Variants in FCGR1A observed in about 807,000 individuals in gnomAD.
The protein encoded by FCGR1A is high affinity immunoglobulin gamma Fc receptor I.
Under a neutral mutation model 35.0 loss-of-function variants are expected in FCGR1A, and 13 were observed. The observed-to-expected ratio is 0.37, with a 90% CI of 0.24 to 0.59. FCGR1A has a LOEUF of 0.59. Among genes scored for constraint, FCGR1A ranks in the 20% least tolerant of loss-of-function variants. The probability of loss-of-function intolerance (pLI) is 0.71; values close to 1 mark genes in which losing one functional copy is unlikely to be tolerated. For synonymous variants in FCGR1A, 91 were observed against 164.7 expected (o/e 0.55, Z 3.43); for missense variants, 227 against 430.0 (o/e 0.53, Z 4.17).
chr1:149,800,524 C>T, the FCGR1A span, among the ~76,000 whole-genome samples: 5 of 142,530 alleles, frequency 3.5e-5, no homozygotes, highest in Admixed American at 7.1e-5. Context: ...ATAAACAAAA[C>T]GACATCACAC....
the FCGR1A span, among the ~76,000 whole-genome samples, chr1:149,797,629 T>C: frequency 6.6e-6 from 1 of 152,146 alleles, no homozygotes; most frequent in African/African-American, 2.4e-5. Context: ...CTTAATTCTC[T>C]CTCTGTTGCT....
the FCGR1A span, among the ~76,000 whole-genome samples, chr1:149,799,478 A>G: frequency 6.6e-6 from 1 of 151,802 alleles, no homozygotes; most frequent in East Asian, 1.9e-4. Context: ...ATCCTGTGAA[A>G]TATCCTCCTT....
intron 3 of FCGR1A, among the ~76,000 whole-genome samples, chr1:149,784,660 T>C: frequency 6.8e-6 from 1 of 148,126 alleles, no homozygotes; most frequent in East Asian, 2.0e-4. Flanking sequence ...ATATACATAT[T>C]ATGCATATAT....
At chr1:149,788,787 C>T (rs1450336985) in intron 4 of FCGR1A, among the ~76,000 whole-genome samples, 170 bp downstream of exon 4, 1 of 152,112 alleles carries the variant, frequency 6.6e-6, no homozygotes, top group African/African-American at 2.4e-5. Flanking sequence ...GAACTGAGGT[C>T]TCTGGGTCCT....
downstream of FCGR1A, chr1:149,793,115 C>T (rs1553752361): frequency 7.8e-7 from 1 of 1,274,198 alleles, no homozygotes. Context: ...ATGCTGCCGG[C>T]CTCAGGTGCG....
downstream of FCGR1A, chr1:149,793,038 C>T (rs583473): frequency 2.4e-6 from 3 of 1,262,752 alleles, no homozygotes; most frequent in South Asian, 1.3e-5. Context: ...CCGCCAGCTC[C>T]CGGGCCCCGG....
At chr1:149,787,009 G>A (rs587746084) in intron 3 of FCGR1A, 1 of 152,266 alleles carries the variant, frequency 6.6e-6, no homozygotes, top group East Asian at 1.9e-4. Context: ...TATTAATTGT[G>A]TCATTCAAAT....
At chr1:149,785,453 G>A (rs1331568584) in intron 3 of FCGR1A, among the ~76,000 whole-genome samples, 12 of 114,574 alleles carry the variant, frequency 1.0e-4, no homozygotes, top group South Asian at 3.1e-4. Context: ...GTCTCACTCC[G>A]TTGCCCAGGC....
At chr1:149,792,625 G>C (rs587694196), downstream of FCGR1A, 2,910 of 1,250,812 alleles carry the variant, frequency 2.3e-3, 100 homozygotes, top group Non-Finnish European at 2.8e-3. Context: ...CACTGTGGCC[G>C]CATGTGCATA....
At chr1:149,787,500 A>C (rs2102043365) in intron 3 of FCGR1A, 1 of 152,526 alleles carries the variant, frequency 6.6e-6, no homozygotes, top group South Asian at 2.1e-4. Context: ...TAGGATGTTT[A>C]TATCTGGATG....
intron 4 of FCGR1A, 132 bp from the exon 5 acceptor site, chr1:149,789,922 G>A: frequency 1.3e-6 from 2 of 1,569,146 alleles, no homozygotes; most frequent in Non-Finnish European, 1.7e-6. Context: ...TCTGCTGGAA[G>A]TAAAAAGGGT....
rs199528238 is a variant in FCGR1A, at chr1:149,791,551, G to A, written c.*34G>A. On this transcript the variant is annotated 3_prime_UTR_variant, in exon 6 of 6. Transcript: ENST00000369168. ...CAGTGGGTGGCCATCGATCTGGACC[G>A]TCCCCTGCCCACTTGCTCCCCGTGA... is the stretch of plus-strand genomic sequence containing the variant. The A allele has an allele frequency of 0.011, 17,812 of 1,602,776 alleles. 150 individuals are homozygous for A. Among genetic ancestry groups the A allele is most frequent in the Admixed American group, 0.021 (1,208 of 58,740 alleles).
chr1:149,786,564 C>A (rs1438080386), intron 3 of FCGR1A: 1 of 152,110 alleles, frequency 6.6e-6, no homozygotes, highest in African/African-American at 2.4e-5. Flanking sequence ...TCAATTTAAT[C>A]AGTATATGCT....
At chr1:149,789,317 C>T (rs587681037) in intron 4 of FCGR1A, among the ~76,000 whole-genome samples, 2 of 151,984 alleles carry the variant, frequency 1.3e-5, no homozygotes, top group South Asian at 4.2e-4. Flanking sequence ...AGCATGAACC[C>T]GGGAAGCGGA....
chr1:149,785,431 T>C (rs1199562873), intron 3 of FCGR1A, among the ~76,000 whole-genome samples: 2 of 142,586 alleles, frequency 1.4e-5, no homozygotes, highest in Non-Finnish European at 3.1e-5. Flanking sequence ...TTTTTTTTTT[T>C]TTTGAGACAG....
intron 3 of FCGR1A, chr1:149,786,901 T>C (rs1289540094): frequency 6.6e-6 from 1 of 152,162 alleles, no homozygotes; most frequent in Non-Finnish European, 1.5e-5. Flanking sequence ...GAAAATTGCT[T>C]TGTGGCCTAG....
At chr1:149,797,733 A>G in the FCGR1A span, among the ~76,000 whole-genome samples, 5 of 152,080 alleles carry the variant, frequency 3.3e-5, no homozygotes, top group African/African-American at 1.2e-4. Flanking sequence ...TAGCAGTTCG[A>G]ACTATAGGCG....
At chr1:149,789,610 G>C (rs1453868890) in intron 4 of FCGR1A, among the ~76,000 whole-genome samples, 1 of 152,258 alleles carries the variant, frequency 6.6e-6, no homozygotes, top group South Asian at 2.1e-4. Context: ...AGCAGGAGGT[G>C]AGCTTCTTCA....
At chr1:149,792,109 ATG>A (rs1372207010), downstream of FCGR1A, 1 of 154,672 alleles carries the variant, frequency 6.5e-6, no homozygotes, top group Non-Finnish European at 1.4e-5. Flanking sequence ...TGAGAAATGG[ATG>A]TGTTATTCTT....
Sources: allele counts gnomAD v4.1 joint callset (sites outside exome capture counted in the v4.1 genomes callset), GRCh38; gene constraint gnomAD v4.1.1; transcripts MANE v1.5; gene names NCBI Gene and HGNC (gene_info 2026-07-23, HGNC 2026-07-21).